Variants in SLC6A7 observed in about 807,000 individuals in gnomAD.
SLC6A7 encodes the protein sodium-dependent proline transporter.
SLC6A7 carries 58 observed loss-of-function variants against 73.1 expected under a neutral mutation model. That is an observed-to-expected ratio of 0.79 (90% CI 0.64 to 0.99). The LOEUF (loss-of-function observed/expected upper bound fraction) is 0.99, where lower values mean the gene tolerates loss of function less well. Ranked by LOEUF, SLC6A7 falls within the 50% of genes least tolerant of loss-of-function variation. SLC6A7 has a pLI of 0.00. For synonymous variants in SLC6A7, 338 were observed against 338.7 expected, an observed-to-expected ratio of 1.00 and a Z score of 0.02; for missense variants, 783 against 831.4, an observed-to-expected ratio of 0.94 and a Z score of 0.72.
At position 150,203,655 on chromosome 5, in the gene SLC6A7, C is replaced by T. The variant is rs776280775; in HGVS notation, c.1088-12C>T. The T allele has an allele frequency of 3.4e-6, 5 of 1,471,802 alleles. No individual in the cohort carries two copies. Among genetic ancestry groups the T allele is most frequent in the Non-Finnish European group, 4.8e-6 (5 of 1,050,454 alleles). 91.2% of individuals were successfully genotyped at this position (1,471,802 alleles called of 1,614,324 possible). On this transcript the variant is annotated splice_polypyrimidine_tract_variant and intron_variant, in intron 8 of 13. Transcript: ENST00000230671. ...TGACCCAAGCTGCTGACCCCGTGTG[C>T]CCCTGGCCCAGGCCCTGGCCTGGCC...
chr5:150,200,635 A>G (rs775105587), intron 5 of SLC6A7, among the ~76,000 whole-genome samples: 2 of 152,256 alleles, frequency 1.3e-5, no homozygotes, highest in African/African-American at 2.4e-5. Flanking sequence ...GACAAAAAAG[A>G]CAGGGTAGAA....
intron 13 of SLC6A7, among the ~76,000 whole-genome samples, chr5:150,206,847 C>G (rs1753725873): frequency 6.6e-6 from 1 of 152,212 alleles, no homozygotes; most frequent in African/African-American, 2.4e-5. Flanking sequence ...GTCCCCAAGC[C>G]TTGCTAATGA....
At chr5:150,194,497 G>T (rs1389773124) in intron 1 of SLC6A7, among the ~76,000 whole-genome samples, 1 of 151,932 alleles carries the variant, frequency 6.6e-6, no homozygotes, top group Non-Finnish European at 1.5e-5. Flanking sequence ...TAAGGTCAGG[G>T]TAGCTTTGTT....
chr5:150,206,626 TC>T (rs1299945825), intron 13 of SLC6A7, among the ~76,000 whole-genome samples: 1 of 152,030 alleles, frequency 6.6e-6, no homozygotes, highest in Non-Finnish European at 1.5e-5. Flanking sequence ...GGTTTATGCC[TC>T]CCCCATCCTG....
intron 9 of SLC6A7, 23 bp downstream of exon 9, chr5:150,203,802 GGC>G: frequency 6.6e-7 from 1 of 1,523,218 alleles, no homozygotes; most frequent in Non-Finnish European, 9.1e-7. Flanking sequence ...TGTGGCAGCA[GGC>G]ACCCCGTGTG....
chr5:150,200,832 G>A (rs1382463858), intron 5 of SLC6A7, among the ~76,000 whole-genome samples: 2 of 152,172 alleles, frequency 1.3e-5, no homozygotes, highest in South Asian at 2.1e-4. Flanking sequence ...GAGTGGACAC[G>A]GGGAGGAGGA....
intron 12 of SLC6A7, among the ~76,000 whole-genome samples, chr5:150,205,220 G>T (rs1324221644): frequency 1.6e-5 from 1 of 64,452 alleles, no homozygotes; most frequent in Admixed American, 1.9e-4. Flanking sequence ...TAAGGGTCTG[G>T]GGTGCCTCAG....
intron 5 of SLC6A7, 84 bp from the exon 6 acceptor site, chr5:150,201,005 G>A (rs1257934586): frequency 1.4e-6 from 2 of 1,473,626 alleles, no homozygotes; most frequent in Non-Finnish European, 1.9e-6. Context: ...AGGCTGGGGA[G>A]GCAAGTGACA....
chr5:150,193,264 G>GA (rs1752866013), intron 1 of SLC6A7, among the ~76,000 whole-genome samples: 1 of 152,216 alleles, frequency 6.6e-6, no homozygotes, highest in Middle Eastern at 3.2e-3. Flanking sequence ...TCCTAAGGGA[G>GA]AATGCCCCAT....
intron 1 of SLC6A7, among the ~76,000 whole-genome samples, chr5:150,194,450 G>C (rs1168119201): frequency 6.7e-6 from 1 of 148,856 alleles, no homozygotes; most frequent in Non-Finnish European, 1.5e-5. Flanking sequence ...AAAAAAAAAA[G>C]GACTATCCCT....
At chr5:150,208,001 A>G (rs1753781957) in intron 13 of SLC6A7, among the ~76,000 whole-genome samples, 1 of 151,732 alleles carries the variant, frequency 6.6e-6, no homozygotes, top group Non-Finnish European at 1.5e-5. Flanking sequence ...GCTGCTAAAC[A>G]ACCTTCCATG....
intron 12 of SLC6A7, 58 bp from the exon 13 acceptor site, chr5:150,205,398 G>T: frequency 7.6e-7 from 1 of 1,311,700 alleles, no homozygotes. Flanking sequence ...GGGCTACCTC[G>T]GGCCTTAAGC....
At chr5:150,199,493 G>C in intron 5 of SLC6A7, 127 bp downstream of exon 5, 2 of 656,936 alleles carry the variant, frequency 3.0e-6, no homozygotes. Context: ...AAGGGAGAGA[G>C]CCTTGAGACT....
rs1580853567 is a variant in SLC6A7, at chr5:150,195,042, A to G, written c.217+131A>G. The stretch of plus-strand genomic sequence containing the variant: ...GGGCAGAACTCATTGAAAGTGGTTT[A>G]TAGTAACTTGGGGCTGGGAGGAAGG... On this transcript the variant is annotated intron_variant, in intron 2 of 13. Coordinates refer to ENST00000230671, the MANE Select transcript of SLC6A7 (RefSeq NM_014228.5). 4 of 726,654 alleles carry G rather than the reference A, an allele frequency of 5.5e-6. No individual in the cohort carries two copies. The East Asian group carries it at 1.0e-4, about 18-fold the overall frequency. 45.0% of individuals were successfully genotyped at this position (726,654 alleles called of 1,614,324 possible). A position where few individuals can be genotyped will look rare whatever the true frequency, so the allele number is the denominator to read the frequency against.
intron 4 of SLC6A7, among the ~76,000 whole-genome samples, chr5:150,198,115 G>GAAA (rs1224170798): frequency 2.6e-5 from 2 of 77,532 alleles, no homozygotes; most frequent in Non-Finnish European, 6.2e-5. Flanking sequence ...AAGAAAGAAA[G>GAAA]AGAAAGAAAG....
intron 10 of SLC6A7, among the ~76,000 whole-genome samples, chr5:150,204,243 A>T (rs546066922): frequency 1.3e-5 from 2 of 152,266 alleles, no homozygotes; most frequent in Non-Finnish European, 2.9e-5. Flanking sequence ...AGTCTGCAAG[A>T]TCTGGGTTCA....
At chr5:150,191,676 C>T (rs111550304) in intron 1 of SLC6A7, among the ~76,000 whole-genome samples, 3,226 of 152,170 alleles carry the variant, frequency 0.021, 123 homozygotes, top group African/African-American at 0.073. Flanking sequence ...GTGATCCGCC[C>T]GCCTCGGCCT....
chr5:150,194,001 G>T (rs1338798626), intron 1 of SLC6A7, among the ~76,000 whole-genome samples: 1 of 152,326 alleles, frequency 6.6e-6, no homozygotes, highest in African/African-American at 2.4e-5. Flanking sequence ...AGCTCAAAAA[G>T]TTGTTCTGAG....
intron 5 of SLC6A7, among the ~76,000 whole-genome samples, chr5:150,200,605 C>T (rs1753327681): frequency 6.6e-6 from 1 of 152,178 alleles, no homozygotes; most frequent in South Asian, 2.1e-4. Context: ...GTATCATTTA[C>T]AAGGAACAGA....
Sources: allele counts gnomAD v4.1 joint callset (sites outside exome capture counted in the v4.1 genomes callset), GRCh38; gene constraint gnomAD v4.1.1; transcripts MANE v1.5; gene names NCBI Gene and HGNC (gene_info 2026-07-23, HGNC 2026-07-21).